SSC4D: variants seen among roughly 807,000 people sequenced by gnomAD.
SSC4D encodes scavenger receptor cysteine rich family member with 4 domains.
Under a neutral mutation model 63.4 loss-of-function variants are expected in SSC4D, and 57 were observed. The ratio of observed to expected loss-of-function variants is 0.90; its 90% CI spans 0.73 to 1.12. The LOEUF (loss-of-function observed/expected upper bound fraction) is 1.12, where lower values mean the gene tolerates loss of function less well. SSC4D is among the 50% of genes most tolerant of loss of function. The probability of loss-of-function intolerance (pLI) is 0.00; values close to 1 mark genes in which losing one functional copy is unlikely to be tolerated. For synonymous variants in SSC4D, 352 were observed against 345.4 expected (o/e 1.02, Z -0.21); for missense variants, 791 against 806.4 (o/e 0.98, Z 0.23).
intron 7 of SSC4D, among the ~76,000 whole-genome samples, chr7:76,394,843 TAA>T (rs963384361): frequency 1.4e-5 from 2 of 144,572 alleles, no homozygotes; most frequent in African/African-American, 5.2e-5. Flanking sequence ...ATATTATATA[TAA>T]GATATATATA....
Position 76,400,419 on chromosome 7 carries a change from G to T in SSC4D, c.342C>A (p.Gly114=), listed in dbSNP as rs1163664872. Residue 114 remains glycine, a synonymous_variant, in exon 4 of 11, where the codon GGC becomes GGA. Coordinates refer to ENST00000275560, the MANE Select transcript of SSC4D (RefSeq NM_080744.2). ...CCAGCAGGATGGGGCCTCGGCCTTG[G>T]CCAAAGGCAAGGGGCCGTGGCACGG... is the stretch of plus-strand genomic sequence containing the variant. The part of the protein sequence containing the change: ...ALPVPRPLAF[G]QGRGPILLDN... The T allele has an allele frequency of 6.2e-7, 1 of 1,605,306 alleles. No homozygotes were observed. Among genetic ancestry groups the T allele is most frequent in the South Asian group, 1.1e-5 (1 of 90,666 alleles).
intron 4 of SSC4D, among the ~76,000 whole-genome samples, chr7:76,399,783 C>G (rs181074528): frequency 6.6e-5 from 10 of 152,260 alleles, no homozygotes; most frequent in Admixed American, 6.5e-4. Flanking sequence ...CTTGGCCTCC[C>G]AAAGTGCTGG....
chr7:76,393,320 AGGCCTCGCGCGT>A lies in SSC4D; in HGVS notation c.1333+73_1333+84del, dbSNP rs1258256755. On this transcript the variant is annotated intron_variant, in intron 9 of 10. Coordinates refer to ENST00000275560, the MANE Select transcript of SSC4D (RefSeq NM_080744.2). ...TCCCCGGGCGGCAGTGCCGCAAGAG[AGGCCTCGCGCGT>A]GGCGCCGCCCCGCCCCTCCCACGCC... 8.8e-6 allele frequency: 11 copies of A among 1,248,786 alleles called. No homozygotes were observed. The African/African-American group carries it at 1.3e-4, about 14-fold the overall frequency. The allele number at this position is 1,248,786 out of a possible 1,614,324, so 77.4% of individuals were successfully genotyped here.
intron 1 of SSC4D, among the ~76,000 whole-genome samples, chr7:76,408,606 C>T (rs1805123421): frequency 6.6e-6 from 1 of 152,120 alleles, no homozygotes; most frequent in South Asian, 2.1e-4. Flanking sequence ...CACCTCAGCC[C>T]AGGCGTGAGG....
At chr7:76,394,496 TG>T (rs1804584361) in intron 7 of SSC4D, among the ~76,000 whole-genome samples, 1 of 151,772 alleles carries the variant, frequency 6.6e-6, no homozygotes, top group African/African-American at 2.4e-5. Flanking sequence ...TTGCAACCTC[TG>T]CCTGCCAGGC....
In SSC4D at chr7:76,397,570, G is replaced by A. The variant is rs769209494; in HGVS notation, c.816C>T (p.Gly272=). The A allele has an allele frequency of 6.2e-7, 1 of 1,607,332 alleles. No homozygotes were observed. Among genetic ancestry groups the A allele is most frequent in the East Asian group, 2.2e-5 (1 of 44,660 alleles). ...EPRLAACQSL[G]WGVHNCGHHE... ...GGTGGCCGCAGTTGTGCACACCCCAGCCCAGGCTCTGGCAGGCTGCCAGGC... is the reference window on the plus strand; with the variant it reads ...GGTGGCCGCAGTTGTGCACACCCCAACCCAGGCTCTGGCAGGCTGCCAGGC... Residue 272 remains glycine, a synonymous_variant, in exon 6 of 11, where the codon GGC becomes GGT. Transcript: ENST00000275560.
intron 1 of SSC4D, among the ~76,000 whole-genome samples, chr7:76,405,685 A>G (rs1805002246): frequency 6.6e-6 from 1 of 151,996 alleles, no homozygotes; most frequent in African/African-American, 2.4e-5. Flanking sequence ...ACGACGGCAG[A>G]GGCAAAAGCT....
chr7:76,390,459 G>A, intron 10 of SSC4D, 84 bp from the exon 11 acceptor site: 1 of 1,310,202 alleles, frequency 7.6e-7, no homozygotes, highest in South Asian at 1.5e-5. Flanking sequence ...GTAAAGAGAG[G>A]TCTGAGACAC....
chr7:76,401,142 C>T (rs1804814542), intron 2 of SSC4D, 99 bp from the exon 3 acceptor site: 4 of 1,409,818 alleles, frequency 2.8e-6, no homozygotes, highest in Non-Finnish European at 3.8e-6. Context: ...TCAACATTAC[C>T]CCCATCTTCT....
At chr7:76,405,890 C>T (rs756569969) in intron 1 of SSC4D, among the ~76,000 whole-genome samples, 1 of 152,072 alleles carries the variant, frequency 6.6e-6, no homozygotes, top group African/African-American at 2.4e-5. Context: ...TTCTTTCCTT[C>T]CTTCCTTCTG....
At position 76,393,420 on chromosome 7, in the gene SSC4D, C is replaced by T. The variant is rs1432230687; in HGVS notation, c.1318G>A (p.Gly440Arg). The T allele has an allele frequency of 1.3e-6, 2 of 1,490,072 alleles. No individual in the cohort carries two copies. Among genetic ancestry groups the T allele is most frequent in the Admixed American group, 4.3e-5 (2 of 46,176 alleles). 92.3% of individuals were successfully genotyped at this position (1,490,072 alleles called of 1,614,324 possible). Reference protein sequence around the residue: ...QHNCGHHEDAGALCAGPEELG... With the variant: ...QHNCGHHEDARALCAGPEELG... ...TCAGCCTCACCTGCGCAGAGCGCTC[C>T]CGCGTCCTCGTGGTGGCCGCAGTTG... is the stretch of plus-strand genomic sequence containing the variant. Residue 440 changes from glycine to arginine, a missense_variant, in exon 9 of 11, where the codon GGA (glycine) becomes AGA (arginine). Gly to Arg is a moderately radical substitution (Grantham distance 125, BLOSUM62 -2). Coordinates refer to ENST00000275560, the MANE Select transcript of SSC4D (RefSeq NM_080744.2).
At chr7:76,393,354 C>T in intron 9 of SSC4D, 51 bp downstream of exon 9, 1 of 1,306,332 alleles carries the variant, frequency 7.7e-7, no homozygotes, top group Non-Finnish European at 9.7e-7. Flanking sequence ...GCCCCTCCCA[C>T]GCCGCAGTGC....
At chr7:76,397,490 C>T in intron 6 of SSC4D, 28 bp downstream of exon 6, 2 of 1,459,408 alleles carry the variant, frequency 1.4e-6, no homozygotes, top group East Asian at 2.5e-5. Flanking sequence ...CCTGCCCCGG[C>T]CCCGCCCATC....
chr7:76,398,307 CTAT>C (rs1251473006), intron 5 of SSC4D, among the ~76,000 whole-genome samples: 8 of 132,780 alleles, frequency 6.0e-5, no homozygotes, highest in Non-Finnish European at 9.7e-5. Context: ...CATTCATTTT[CTAT>C]TTTTTTTTTT....
Position 76,397,416 on chromosome 7 carries a change from C to T in SSC4D, c.868+102G>A, listed in dbSNP as rs1584021775. 20 of 1,367,914 alleles carry T rather than the reference C, an allele frequency of 1.5e-5. No homozygotes were observed. In the East Asian group the frequency reaches 4.9e-4, roughly 33 times the overall value. The allele number at this position is 1,367,914 out of a possible 1,614,324, so 84.7% of individuals were successfully genotyped here. A position where few individuals can be genotyped will look rare whatever the true frequency, so the allele number is the denominator to read the frequency against. On this transcript the variant is annotated intron_variant, in intron 6 of 10. Transcript: ENST00000275560. Reference sequence around the variant, plus strand: ...CTGGGGAGCATCAAGACAGCCAAAACACCCTCCCCATCCACCTCCCCACCG... The same window carrying T: ...CTGGGGAGCATCAAGACAGCCAAAATACCCTCCCCATCCACCTCCCCACCG...
chr7:76,404,296 G>A lies in SSC4D; in HGVS notation c.133+11C>T. 6.3e-7 allele frequency: 1 copy of A among 1,584,744 alleles called. No individual in the cohort carries two copies. The highest frequency in any genetic ancestry group is 8.6e-7 in the Non-Finnish European group (1 of 1,165,810). On this transcript the variant is annotated intron_variant, in intron 2 of 10. Transcript: ENST00000275560. Reference sequence around the variant, plus strand: ...AGAGGAAGTGGCAAGGGCTAACAGGGGAGGACTCACCCAGTGGCAGGAGGA... The same window carrying A: ...AGAGGAAGTGGCAAGGGCTAACAGGAGAGGACTCACCCAGTGGCAGGAGGA...
In SSC4D at chr7:76,391,004, G is replaced by A. The variant is rs559568631; in HGVS notation, c.1412-629C>T. ...ACAAAAATTAGCCGGGTGTGGTGGT[G>A]TGTGCCTTGTAGTCCCAGCTACTTG... On this transcript the variant is annotated intron_variant, in intron 10 of 10. Coordinates refer to ENST00000275560, the MANE Select transcript of SSC4D (RefSeq NM_080744.2). Among the ~76,000 whole-genome samples the A allele has an allele frequency of 8.5e-5, 13 of 152,202 alleles. No individual in the cohort carries two copies. In the South Asian group the frequency reaches 2.7e-3, roughly 32 times the overall value.
intron 7 of SSC4D, 32 bp from the exon 8 acceptor site, chr7:76,393,936 G>C (rs746387245): frequency 6.4e-7 from 1 of 1,572,414 alleles, no homozygotes; most frequent in South Asian, 1.2e-5. Flanking sequence ...GGCGTTCGAA[G>C]GGGACGAGGA....
chr7:76,399,969 C>A (rs1486510109), intron 4 of SSC4D, among the ~76,000 whole-genome samples: 2 of 152,042 alleles, frequency 1.3e-5, no homozygotes, highest in African/African-American at 4.8e-5. Context: ...CTGGTCGGGA[C>A]CAAACAGTGA....
Sources: allele counts gnomAD v4.1 joint callset (sites outside exome capture counted in the v4.1 genomes callset), GRCh38; gene constraint gnomAD v4.1.1; transcripts MANE v1.5; gene names NCBI Gene and HGNC (gene_info 2026-07-23, HGNC 2026-07-21).